CEP43: variants seen among roughly 807,000 people sequenced by gnomAD.
CEP43 encodes centrosomal protein 43.
Under a neutral mutation model 52.6 loss-of-function variants are expected in CEP43, and 36 were observed. That is an observed-to-expected ratio of 0.68 (90% CI 0.52 to 0.90). CEP43 has a LOEUF of 0.90. Among genes scored for constraint, CEP43 ranks in the 40% least tolerant of loss-of-function variants. CEP43 has a pLI of 0.00. For missense variants in CEP43, 506 were observed against 472.8 expected, an observed-to-expected ratio of 1.07 and a Z score of -0.65; for synonymous variants, 192 against 172.4, an observed-to-expected ratio of 1.11 and a Z score of -0.89.
intron 12 of CEP43, among the ~76,000 whole-genome samples, chr6:167,039,024 C>T (rs1562535190): frequency 1.3e-5 from 2 of 152,172 alleles, no homozygotes; most frequent in Non-Finnish European, 2.9e-5. Flanking sequence ...TAACTTAGCT[C>T]CTGCTTATTA....
At chr6:167,023,683 C>A (rs1780290066) in intron 8 of CEP43, among the ~76,000 whole-genome samples, 1 of 152,106 alleles carries the variant, frequency 6.6e-6, no homozygotes, top group African/African-American at 2.4e-5. Flanking sequence ...GTCCTGCGCA[C>A]CTTGAGGCCA....
chr6:167,027,958 C>A, intron 10 of CEP43: 1 of 986,132 alleles, frequency 1.0e-6, no homozygotes. Flanking sequence ...CTGCCATCTG[C>A]TCTTTGTGCG....
Position 167,045,736 on chromosome 6 carries a change from A to G in CEP43, c.*5758A>G, listed in dbSNP as rs891814797. On this transcript the variant is annotated 3_prime_UTR_variant, in exon 13 of 13. Transcript: ENST00000366847. ...GGTGACAGAGCGAGACTCCGTCTCA[A>G]AAACAACAACAACAACGAAAAAACG... 2 of 152,310 alleles carry G rather than the reference A, an allele frequency of 1.3e-5. No homozygotes were observed. The highest frequency in any genetic ancestry group is 4.8e-5 in the African/African-American group (2 of 41,462). The allele number at this position is 152,310 out of a possible 1,614,324, so 9.4% of individuals were successfully genotyped here. A position where few individuals can be genotyped will look rare whatever the true frequency, so the allele number is the denominator to read the frequency against.
At chr6:167,031,652 G>A (rs770048935) in intron 10 of CEP43, among the ~76,000 whole-genome samples, 1 of 152,192 alleles carries the variant, frequency 6.6e-6, no homozygotes, top group African/African-American at 2.4e-5. Context: ...TCTCTGTCAT[G>A]CCAGGTCTTC....
At chr6:167,001,298 G>C (rs1235128932) in intron 2 of CEP43, among the ~76,000 whole-genome samples, 1 of 152,172 alleles carries the variant, frequency 6.6e-6, no homozygotes, top group African/African-American at 2.4e-5. Context: ...ATTATTTACT[G>C]TATCTTTGAC....
Position 167,048,338 on chromosome 6 carries a change from G to A in CEP43, c.*8360G>A, listed in dbSNP as rs1780828217. ...GAGCTCAGGAGTTTGAGACCATTCT[G>A]GGCAATACGGTGAAACCCTGTCTCT... On this transcript the variant is annotated 3_prime_UTR_variant, in exon 13 of 13. Coordinates refer to ENST00000366847, the MANE Select transcript of CEP43 (RefSeq NM_007045.4). The A allele has an allele frequency of 1.4e-5, 2 of 146,750 alleles. No homozygotes were observed. Among genetic ancestry groups the A allele is most frequent in the Non-Finnish European group, 1.5e-5 (1 of 66,036 alleles). 9.1% of individuals were successfully genotyped at this position (146,750 alleles called of 1,614,324 possible).
At chr6:167,003,666 T>G in intron 3 of CEP43, 57 bp from the exon 4 acceptor site, 1 of 1,052,710 alleles carries the variant, frequency 9.5e-7, no homozygotes, top group Non-Finnish European at 1.5e-6. Context: ...ATAATGTTAA[T>G]TTAAAAAATT....
In CEP43 at chr6:167,051,080, G is replaced by T. The variant is rs1780864839; in HGVS notation, c.*11102G>T. 1 of 152,074 alleles carries T rather than the reference G, an allele frequency of 6.6e-6. No individual in the cohort carries two copies. Among genetic ancestry groups the T allele is most frequent in the Non-Finnish European group, 1.5e-5 (1 of 67,998 alleles). 9.4% of individuals were successfully genotyped at this position (152,074 alleles called of 1,614,324 possible). A position where few individuals can be genotyped will look rare whatever the true frequency, so the allele number is the denominator to read the frequency against. ...TGTACTAAGTCAGCTTCTGGGTGGGGGCCAGAGGACCAGTTGAGCCAAGAA... is the reference window on the plus strand; with the variant it reads ...TGTACTAAGTCAGCTTCTGGGTGGGTGCCAGAGGACCAGTTGAGCCAAGAA... On this transcript the variant is annotated 3_prime_UTR_variant, in exon 13 of 13. Transcript: ENST00000366847.
Position 167,051,013 on chromosome 6 carries a change from GGTGGGCAGGGGTTT to G in CEP43, c.*11039_*11052del, listed in dbSNP as rs1780864092. ...GGCTAGGTCTTTTCAAAGATAGTTT[GGTGGGCAGGGGTTT>G]GTGTACTAAGAAACTAAATGTTTCT... On this transcript the variant is annotated 3_prime_UTR_variant, in exon 13 of 13. Transcript: ENST00000366847. 6.6e-6 allele frequency: 1 copy of G among 151,976 alleles called. No homozygotes were observed. The highest frequency in any genetic ancestry group is 1.5e-5 in the Non-Finnish European group (1 of 68,010). 9.4% of individuals were successfully genotyped at this position (151,976 alleles called of 1,614,324 possible).
In CEP43 at chr6:167,046,448, C is replaced by T. The variant is rs1005095778; in HGVS notation, c.*6470C>T. ...GCCATTTGTTCCTGCAAACCTAAAC[C>T]TCTTTGTAGTAAGTTCTGGCAGAAG... On this transcript the variant is annotated 3_prime_UTR_variant, in exon 13 of 13. Transcript: ENST00000366847. 2 of 152,194 alleles carry T rather than the reference C, an allele frequency of 1.3e-5. No homozygotes were observed. The highest frequency in any genetic ancestry group is 2.9e-5 in the Non-Finnish European group (2 of 68,036). 9.4% of individuals were successfully genotyped at this position (152,194 alleles called of 1,614,324 possible). A position where few individuals can be genotyped will look rare whatever the true frequency, so the allele number is the denominator to read the frequency against.
chr6:167,035,660 G>A (rs905266172), intron 12 of CEP43, among the ~76,000 whole-genome samples: 2 of 151,718 alleles, frequency 1.3e-5, no homozygotes, highest in Admixed American at 6.6e-5. Context: ...TCCGCCTCCC[G>A]GGTTCATGCC....
intron 7 of CEP43, among the ~76,000 whole-genome samples, chr6:167,018,817 C>T (rs934021930): frequency 2.6e-5 from 4 of 152,144 alleles, no homozygotes; most frequent in African/African-American, 7.2e-5. Flanking sequence ...AGTTTATGTA[C>T]GTAACATAAG....
At chr6:167,016,067 G>GAA (rs928067817) in intron 7 of CEP43, among the ~76,000 whole-genome samples, 1 of 141,954 alleles carries the variant, frequency 7.0e-6, no homozygotes, top group Admixed American at 7.0e-5. Context: ...TAATTGTTTG[G>GAA]AAAAAAAAAA....
chr6:167,035,884 G>A (rs1046480231), intron 12 of CEP43, among the ~76,000 whole-genome samples: 3 of 152,114 alleles, frequency 2.0e-5, no homozygotes, highest in Non-Finnish European at 4.4e-5. Flanking sequence ...TAACTTTTGG[G>A]GCCTTGGGTC....
Position 167,044,362 on chromosome 6 carries a change from TC to T in CEP43, c.*4385del. On this transcript the variant is annotated 3_prime_UTR_variant, in exon 13 of 13. Transcript: ENST00000366847. The stretch of plus-strand genomic sequence containing the variant: ...GGCTGAATAATGGGATGACTCAAAA[TC>T]AGTAAGCTCAAAGGCAATTTCAAAG... The T allele has an allele frequency of 1.0e-6, 1 of 983,502 alleles. No individual in the cohort carries two copies. The highest frequency in any genetic ancestry group is 1.2e-6 in the Non-Finnish European group (1 of 828,226). The allele number at this position is 983,502 out of a possible 1,614,324, so 60.9% of individuals were successfully genotyped here. A position where few individuals can be genotyped will look rare whatever the true frequency, so the allele number is the denominator to read the frequency against.
At chr6:167,017,169 G>T (rs898520491) in intron 7 of CEP43, among the ~76,000 whole-genome samples, 2 of 151,766 alleles carry the variant, frequency 1.3e-5, no homozygotes, top group Non-Finnish European at 2.9e-5. Flanking sequence ...CTAATTTTTT[G>T]TATTTTTAGT....
rs990974028 is a variant in CEP43, at chr6:167,043,393, T to C, written c.*3415T>C. 6.6e-6 allele frequency: 1 copy of C among 150,834 alleles called. No individual in the cohort carries two copies. The highest frequency in any genetic ancestry group is 2.5e-5 in the African/African-American group (1 of 40,722). The allele number at this position is 150,834 out of a possible 1,614,324, so 9.3% of individuals were successfully genotyped here. On this transcript the variant is annotated 3_prime_UTR_variant, in exon 13 of 13. Coordinates refer to ENST00000366847, the MANE Select transcript of CEP43 (RefSeq NM_007045.4). Reference sequence around the variant, plus strand: ...CTGTCCTCTTTTTTTTTTTTTTTTTTTTTTGAGGTGGAGTTTTGTTCTTGT... The same window carrying C: ...CTGTCCTCTTTTTTTTTTTTTTTTTCTTTTGAGGTGGAGTTTTGTTCTTGT...
chr6:167,026,615 G>A lies in CEP43; in HGVS notation c.988G>A (p.Gly330Arg). Residue 330 changes from glycine (G) to arginine (R), a missense_variant and splice_region_variant, in exon 10 of 13, where the codon GGA becomes AGA. Gly to Arg is a moderately radical substitution (Grantham distance 125, BLOSUM62 -2). Coordinates refer to ENST00000366847, the MANE Select transcript of CEP43 (RefSeq NM_007045.4). Reference protein sequence around the residue: ...ISDKIGSLGLGTGEDDDYVDD... With the variant: ...ISDKIGSLGLRTGEDDDYVDD... Reference sequence around the variant, plus strand: ...TGATAAAATTGGATCACTTGGATTAGGTAATTAGATTTCTAGTTTTTGTGC... The same window carrying A: ...TGATAAAATTGGATCACTTGGATTAAGTAATTAGATTTCTAGTTTTTGTGC... 1 of 1,560,642 alleles carries A rather than the reference G, an allele frequency of 6.4e-7. No individual in the cohort carries two copies. The highest frequency in any genetic ancestry group is 2.2e-5 in the East Asian group (1 of 44,592).
At position 167,050,028 on chromosome 6, in the gene CEP43, A is replaced by G. The variant is rs1780848689; in HGVS notation, c.*10050A>G. Reference sequence around the variant, plus strand: ...GGTAAACTGTTCTATAGATGTTGATATGGCTTCGCTGTGTCCCCACTCAAA... The same window carrying G: ...GGTAAACTGTTCTATAGATGTTGATGTGGCTTCGCTGTGTCCCCACTCAAA... On this transcript the variant is annotated 3_prime_UTR_variant, in exon 13 of 13. Coordinates refer to ENST00000366847, the MANE Select transcript of CEP43 (RefSeq NM_007045.4). 1 of 152,214 alleles carries G rather than the reference A, an allele frequency of 6.6e-6. No individual in the cohort carries two copies. The highest frequency in any genetic ancestry group is 2.4e-5 in the African/African-American group (1 of 41,448). The allele number at this position is 152,214 out of a possible 1,614,324, so 9.4% of individuals were successfully genotyped here.
Sources: gnomAD v4.1 joint callset for allele counts (sites outside exome capture counted in the v4.1 genomes callset) on GRCh38, gnomAD v4.1.1 for gene constraint, MANE v1.5 for transcripts, NCBI Gene and HGNC (gene_info 2026-07-23, HGNC 2026-07-21) for gene names.